ATP12A: variants seen among roughly 807,000 people sequenced by gnomAD.
ATP12A encodes the protein potassium-transporting ATPase alpha chain 2.
ATP12A carries 81 observed loss-of-function variants against 111.2 expected under a neutral mutation model. That is an observed-to-expected ratio of 0.73 (90% CI 0.61 to 0.88). The LOEUF is 0.88. ATP12A is among the 40% of genes least tolerant of loss of function. The probability of loss-of-function intolerance (pLI) is 0.00; values close to 1 mark genes in which losing one functional copy is unlikely to be tolerated. For missense variants in ATP12A, 1,196 were observed against 1,313.1 expected (o/e 0.91, Z 1.38); for synonymous variants, 498 against 499.8 (o/e 1.00, Z 0.05).
rs370572208 is a variant in ATP12A at position 24,694,434 on chromosome 13, T to G, written c.1378-10T>G. On this transcript the variant is annotated splice_polypyrimidine_tract_variant and intron_variant, in intron 10 of 22. Coordinates refer to ENST00000381946, the MANE Select transcript of ATP12A (RefSeq NM_001676.7). The stretch of plus-strand genomic sequence containing the variant: ...ATGTGCTGCAAATATTTTTCTTCTT[T>G]GATTCCCAGAAAGCTGTGATTGGAG... 2.1e-5 allele frequency: 34 copies of G among 1,611,444 alleles called. No individual in the cohort carries two copies. The African/African-American group carries it at 4.0e-4, about 19-fold the overall frequency.
chr13:24,707,929 C>T (rs927165284), intron 17 of ATP12A, among the ~76,000 whole-genome samples: 6 of 151,938 alleles, frequency 3.9e-5, no homozygotes, highest in African/African-American at 1.5e-4. Flanking sequence ...GGATTACAGG[C>T]ATGAGTCACT....
chr13:24,681,233 A>G (rs1874417933), intron 1 of ATP12A, among the ~76,000 whole-genome samples: 1 of 151,726 alleles, frequency 6.6e-6, no homozygotes, highest in African/African-American at 2.4e-5. Flanking sequence ...TCGAGGTTCT[A>G]AGGAAACCTC....
chr13:24,700,708 T>G (rs754472490), intron 12 of ATP12A, 39 bp from the exon 13 acceptor site: 11 of 1,586,346 alleles, frequency 6.9e-6, no homozygotes, highest in Admixed American at 1.7e-5. Context: ...TCGTTTCCTA[T>G]TCTAGTTTCA....
chr13:24,698,968 G>T, intron 12 of ATP12A, 118 bp downstream of exon 12: 1 of 1,260,514 alleles, frequency 7.9e-7, no homozygotes, highest in South Asian at 1.5e-5. Flanking sequence ...ATGTAAAGGA[G>T]AACATGATAA....
intron 2 of ATP12A, among the ~76,000 whole-genome samples, chr13:24,682,319 G>T (rs904939554): frequency 2.1e-5 from 3 of 140,220 alleles, no homozygotes; most frequent in African/African-American, 8.1e-5. Context: ...GGTATGTGTG[G>T]TGTGTGTGTA....
At chr13:24,690,890 C>G (rs552495154) in intron 7 of ATP12A, 92 bp from the exon 8 acceptor site, 2 of 1,537,586 alleles carry the variant, frequency 1.3e-6, no homozygotes, top group Non-Finnish European at 1.8e-6. Context: ...GTGTGCCTAT[C>G]GATTGTGCCA....
At chr13:24,684,696 G>C (rs1372269967) in intron 2 of ATP12A, among the ~76,000 whole-genome samples, 1 of 152,248 alleles carries the variant, frequency 6.6e-6, no homozygotes, top group African/African-American at 2.4e-5. Flanking sequence ...GCAGGGCCAC[G>C]GGTGAGAAAC....
chr13:24,696,036 C>G (rs1421041609), intron 11 of ATP12A, among the ~76,000 whole-genome samples: 1 of 152,170 alleles, frequency 6.6e-6, no homozygotes, highest in African/African-American at 2.4e-5. Context: ...GAAACCACAT[C>G]TCTTACGTAA....
At chr13:24,682,316 G>A (rs1228512400) in intron 2 of ATP12A, among the ~76,000 whole-genome samples, 2 of 141,720 alleles carry the variant, frequency 1.4e-5, no homozygotes, top group Non-Finnish European at 3.1e-5. Flanking sequence ...CATGGTATGT[G>A]TGGTGTGTGT....
At chr13:24,703,843 AT>A (rs57405320) in intron 14 of ATP12A, among the ~76,000 whole-genome samples, 162 of 128,338 alleles carry the variant, frequency 1.3e-3, no homozygotes, top group Admixed American at 1.9e-3. Context: ...ATTTTAGCAG[AT>A]TTTTTTTTTT....
At chr13:24,684,037 G>T (rs776456990) in intron 2 of ATP12A, among the ~76,000 whole-genome samples, 7 of 152,110 alleles carry the variant, frequency 4.6e-5, no homozygotes, top group Non-Finnish European at 8.8e-5. Flanking sequence ...GGCCAGCAGA[G>T]GGCACCCCAG....
chr13:24,694,509 T>A lies in ATP12A; in HGVS notation c.1443T>A (p.Asp481Glu), dbSNP rs150118663. 11 of 1,614,202 alleles carry A rather than the reference T, an allele frequency of 6.8e-6. No homozygotes were observed. The highest frequency in any genetic ancestry group is 9.3e-6 in the Non-Finnish European group (11 of 1,180,032). Residue 481 changes from aspartate (D) to glutamate (E), a missense_variant, in exon 11 of 23, where the codon GAT (aspartate) becomes GAA (glutamate). Transcript: ENST00000381946. ...AATTCTCAGAGGTCATTTTGGGTGA[T>A]GTGATGGAAATTAGAAAAAGAAACC... ...LLKFSEVILG[D>E]VMEIRKRNRK... is the part of the protein sequence containing the mutation.
chr13:24,710,427 C>T, intron 19 of ATP12A, 33 bp from the exon 20 acceptor site: 5 of 1,611,156 alleles, frequency 3.1e-6, no homozygotes, highest in Middle Eastern at 1.7e-4. Flanking sequence ...TCCTTTAGGC[C>T]TCAAGGTCTC....
At chr13:24,702,767 A>G (rs1016903506) in intron 14 of ATP12A, among the ~76,000 whole-genome samples, 8 of 152,204 alleles carry the variant, frequency 5.3e-5, no homozygotes, top group South Asian at 2.1e-4. Context: ...GAATCTTTCC[A>G]TCGAGCCAAG....
Position 24,688,405 on chromosome 13 carries a change from C to G in ATP12A, c.315C>G (p.Val105=). The G allele has an allele frequency of 6.2e-7, 1 of 1,614,176 alleles. No homozygotes were observed. The highest frequency in any genetic ancestry group is 8.5e-7 in the Non-Finnish European group (1 of 1,180,040). ...LTPPKQTPEI[V]KFLKQMVGGF... is the part of the protein sequence containing the mutation. ...CTCCCAAGCAGACGCCTGAGATCGT[C>G]AAGTTCCTCAAGCAGATGGTGGGGG... is the stretch of plus-strand genomic sequence containing the variant. Residue 105 remains valine (V), a synonymous_variant, in exon 4 of 23, where the codon GTC becomes GTG. Transcript: ENST00000381946.
chr13:24,710,988 C>A, intron 21 of ATP12A, 95 bp downstream of exon 21: 2 of 1,135,610 alleles, frequency 1.8e-6, no homozygotes, highest in African/African-American at 1.5e-5. Flanking sequence ...GGTTCTTCCC[C>A]AAGTCTTTCA....
rs1243546266 is a variant in ATP12A at position 24,709,846 on chromosome 13, T to A, written c.2763+18T>A. ...AGGAATGGGTGAGTGGCGGGAGCCC[T>A]GCTGCAGAGTCCACCTGATTCTCTC... On this transcript the variant is annotated intron_variant, in intron 19 of 22. Transcript: ENST00000381946. 1 of 1,612,894 alleles carries A rather than the reference T, an allele frequency of 6.2e-7. No individual in the cohort carries two copies. The highest frequency in any genetic ancestry group is 1.1e-5 in the South Asian group (1 of 91,048).
intron 5 of ATP12A, 38 bp from the exon 6 acceptor site, chr13:24,690,299 TC>T (rs777347690): frequency 6.2e-7 from 1 of 1,608,670 alleles, no homozygotes; most frequent in African/African-American, 1.3e-5. Context: ...CCGGTGTCCT[TC>T]CAGGGTCTGA....
chr13:24,697,313 A>G (rs1252431029), intron 11 of ATP12A, among the ~76,000 whole-genome samples: 2 of 152,176 alleles, frequency 1.3e-5, no homozygotes, highest in Non-Finnish European at 2.9e-5. Context: ...AAAGTGTTTC[A>G]TATTATCCCT....
Sources: allele counts gnomAD v4.1 joint callset (sites outside exome capture counted in the v4.1 genomes callset), GRCh38; gene constraint gnomAD v4.1.1; transcripts MANE v1.5; gene names NCBI Gene and HGNC (gene_info 2026-07-23, HGNC 2026-07-21).